Variants in CEP164 observed in about 807,000 individuals in gnomAD.
CEP164 encodes centrosomal protein of 164 kDa.
Under a neutral mutation model 182.7 loss-of-function variants are expected in CEP164, and 162 were observed. The observed-to-expected ratio is 0.89, with a 90% CI of 0.78 to 1.01. The LOEUF (loss-of-function observed/expected upper bound fraction) is 1.01. Among genes scored for constraint, CEP164 ranks in the 50% least tolerant of loss-of-function variants. The pLI, the probability that CEP164 is intolerant of heterozygous loss-of-function variation, is 0.00. For synonymous variants in CEP164, 661 were observed against 690.0 expected, an observed-to-expected ratio of 0.96 and a Z score of 0.66; for missense variants, 1,735 against 1,790.4, an observed-to-expected ratio of 0.97 and a Z score of 0.56.
intron 5 of CEP164, among the ~76,000 whole-genome samples, chr11:117,357,692 G>T (rs1399038294): frequency 6.6e-6 from 1 of 152,200 alleles, no homozygotes; most frequent in African/African-American, 2.4e-5. Context: ...AAAGTCCTGG[G>T]ATTACAGGTG....
upstream of CEP164, among the ~76,000 whole-genome samples, chr11:117,324,164 AG>A (rs2035348526): frequency 6.6e-6 from 1 of 152,146 alleles, no homozygotes; most frequent in South Asian, 2.1e-4. Context: ...TTAGTGTGTC[AG>A]GATGGGCACA....
At chr11:117,392,123 C>T in intron 17 of CEP164, 103 bp from the exon 18 acceptor site, 1 of 975,420 alleles carries the variant, frequency 1.0e-6, no homozygotes. Flanking sequence ...CTTCCCTTGA[C>T]CCTGATCTCG....
intron 4 of CEP164, among the ~76,000 whole-genome samples, chr11:117,350,915 GGATGA>G (rs1592090824): frequency 6.6e-6 from 1 of 152,102 alleles, no homozygotes; most frequent in African/African-American, 2.4e-5. Context: ...TGTTAATGGT[GGATGA>G]GATGAGTGGT....
rs776209930 is a variant in CEP164, at chr11:117,351,903, T to G, written c.308T>G (p.Leu103Arg). 5.6e-6 allele frequency: 9 copies of G among 1,612,864 alleles called. No homozygotes were observed. The highest frequency in any genetic ancestry group is 7.6e-6 in the Non-Finnish European group (9 of 1,179,780). Reference sequence around the variant, plus strand: ...TTGGTGATCCAAGAGCGGGCAAAGCTGTCAACTTCTGGGGCCATTAAGAAG... The same window carrying G: ...TTGGTGATCCAAGAGCGGGCAAAGCGGTCAACTTCTGGGGCCATTAAGAAG... ...RSLVIQERAK[L>R]STSGAIKKKK... The change falls in exon 5 of 33, where the codon CTG becomes CGG. Residue 103 changes from leucine (L) to arginine (R), a missense_variant. Physicochemically the swap from Leu to Arg is moderately radical, Grantham distance 102. Transcript: ENST00000278935.
chr11:117,336,252 G>A, intron 2 of CEP164: 2 of 1,587,918 alleles, frequency 1.3e-6, no homozygotes, highest in Non-Finnish European at 1.7e-6. Context: ...AGGAATGCTT[G>A]CCATGCTTTT....
chr11:117,407,457 C>CAAAAAAAAAAAAAAAAAAAAAGAAAAAA (rs2046823415), intron 27 of CEP164, among the ~76,000 whole-genome samples: 1 of 69,030 alleles, frequency 1.4e-5, no homozygotes, highest in Non-Finnish European at 2.8e-5. Context: ...TCTGTCTCTA[C>CAAAAAAAAAAAAAAAAAAAAAGAAAAAA]AAAAAAAAAA....
In CEP164 at chr11:117,392,547, G is replaced by A. The variant is rs770855847; in HGVS notation, c.2413G>A (p.Ala805Thr). The change falls in exon 19 of 33, where the codon GCC becomes ACC. Residue 805 changes from alanine to threonine, a missense_variant. Ala to Thr is a moderately conservative substitution (Grantham distance 58, BLOSUM62 0). Transcript: ENST00000278935. ...KIQEAQQKEE[A>T]QLQKCLGQVE... ...ACAGGAAGCTCAACAGAAAGAGGAGGCCCAGCTGCAGAAGTGCCTTGGGCA... is the reference window on the plus strand; with the variant it reads ...ACAGGAAGCTCAACAGAAAGAGGAGACCCAGCTGCAGAAGTGCCTTGGGCA... 2 of 1,614,166 alleles carry A rather than the reference G, an allele frequency of 1.2e-6. No homozygotes were observed. The highest frequency in any genetic ancestry group is 1.7e-6 in the Non-Finnish European group (2 of 1,180,030).
intron 7 of CEP164, 69 bp from the exon 8 acceptor site, chr11:117,363,360 C>A: frequency 2.5e-6 from 3 of 1,183,982 alleles, no homozygotes; most frequent in East Asian, 4.7e-5. Flanking sequence ...ACTTTTCCCT[C>A]TGCACACCCC....
At position 117,387,420 on chromosome 11, in the gene CEP164, C is replaced by T. The variant is rs2044093270; in HGVS notation, c.1934+8C>T. On this transcript the variant is annotated splice_region_variant and intron_variant, in intron 15 of 32. Coordinates refer to ENST00000278935, the MANE Select transcript of CEP164 (RefSeq NM_014956.5). ...GAAAGAGCAATCTCTCAGGTCCTGC[C>T]CTTCCCCTTAGGCATGCTTCCTGGG... The T allele has an allele frequency of 1.2e-6, 2 of 1,613,586 alleles. No individual in the cohort carries two copies. Among genetic ancestry groups the T allele is most frequent in the Middle Eastern group, 1.6e-4 (1 of 6,078 alleles).
chr11:117,351,725 CCT>C (rs1246832517), intron 4 of CEP164, 63 bp from the exon 5 acceptor site: 53 of 1,478,246 alleles, frequency 3.6e-5, no homozygotes, highest in Non-Finnish European at 4.6e-5. Context: ...CTTTTTTTCC[CCT>C]CTTTTTTTTT....
In CEP164 at chr11:117,397,084, G is replaced by T. The variant is rs760674947; in HGVS notation, c.3279-7G>T. On this transcript the variant is annotated splice_polypyrimidine_tract_variant and splice_region_variant and intron_variant, in intron 26 of 32. Coordinates refer to ENST00000278935, the MANE Select transcript of CEP164 (RefSeq NM_014956.5). ...TCTGTTTTCCTTCTTCAACTCTCCTGCTCCAGCCTGTCCTCCCACAATGTC... is the reference window on the plus strand; with the variant it reads ...TCTGTTTTCCTTCTTCAACTCTCCTTCTCCAGCCTGTCCTCCCACAATGTC... The T allele has an allele frequency of 1.2e-6, 2 of 1,612,878 alleles. No individual in the cohort carries two copies. The highest frequency in any genetic ancestry group is 1.7e-6 in the Non-Finnish European group (2 of 1,179,408).
In CEP164 at chr11:117,371,443, G is replaced by C. The variant is rs774584906; in HGVS notation, c.1129G>C (p.Glu377Gln). Residue 377 changes from glutamate (E) to glutamine (Q), a missense_variant, in exon 9 of 33, where the codon GAG (glutamate) becomes CAG (glutamine). By Grantham distance (29) the Glu-to-Gln change is conservative. Coordinates refer to ENST00000278935, the MANE Select transcript of CEP164 (RefSeq NM_014956.5). ...AAAGAAGAAGGCTTCTGCTCTGGAAGAGGGCAGTTCAGACGCCAGCCAAGT... is the reference window on the plus strand; with the variant it reads ...AAAGAAGAAGGCTTCTGCTCTGGAACAGGGCAGTTCAGACGCCAGCCAAGT... ...EPKKKASALEEGSSDASQELE... is the reference protein window; with the variant it reads ...EPKKKASALEQGSSDASQELE... 3 of 1,612,926 alleles carry C rather than the reference G, an allele frequency of 1.9e-6. No individual in the cohort carries two copies. In the African/African-American group the frequency reaches 4.0e-5, roughly 22 times the overall value.
Position 117,410,912 on chromosome 11 carries a change from C to G in CEP164, c.4163+18C>G. On this transcript the variant is annotated intron_variant, in intron 31 of 32. Coordinates refer to ENST00000278935, the MANE Select transcript of CEP164 (RefSeq NM_014956.5). ...TCTGCCAGGTGAGCCTCCCTGGGGG[C>G]TGGTTGGGGTGGAACGTCATAGTCG... 6.2e-7 allele frequency: 1 copy of G among 1,609,680 alleles called. No homozygotes were observed.
intron 3 of CEP164, among the ~76,000 whole-genome samples, chr11:117,340,448 A>T (rs1312393868): frequency 6.6e-6 from 1 of 152,256 alleles, no homozygotes; most frequent in Non-Finnish European, 1.5e-5. Flanking sequence ...ACTTGAGAGC[A>T]GGGTTCACAA....
At position 117,408,981 on chromosome 11, in the gene CEP164, C is replaced by A. The variant is rs2047012481; in HGVS notation, c.3701C>A (p.Ser1234Tyr). ...ATGGACAGCCTGAGCAGTGAAAGTT[C>A]TGAATCTTTTTCCCCGCCTCACCGT... is the stretch of plus-strand genomic sequence containing the variant. ...SDMDSLSSES[S>Y]ESFSPPHREW... Residue 1234 changes from serine to tyrosine, a missense_variant, in exon 29 of 33, where the codon TCT becomes TAT. By Grantham distance (144) the Ser-to-Tyr change is moderately radical. Coordinates refer to ENST00000278935, the MANE Select transcript of CEP164 (RefSeq NM_014956.5). The A allele has an allele frequency of 3.1e-6, 5 of 1,613,932 alleles. No homozygotes were observed. Among genetic ancestry groups the A allele is most frequent in the Non-Finnish European group, 4.2e-6 (5 of 1,179,996 alleles).
chr11:117,363,264 C>T (rs766231925), intron 7 of CEP164, among the ~76,000 whole-genome samples, 165 bp from the exon 8 acceptor site: 4 of 152,226 alleles, frequency 2.6e-5, no homozygotes, highest in South Asian at 2.1e-4. Flanking sequence ...GATGGAGAGC[C>T]GTTTAGTGAG....
At chr11:117,330,604 G>A (rs2036056736) in intron 1 of CEP164, among the ~76,000 whole-genome samples, 1 of 152,226 alleles carries the variant, frequency 6.6e-6, no homozygotes, top group South Asian at 2.1e-4. Context: ...AGCAGAGATC[G>A]TGCCATTGCA....
chr11:117,339,760 C>T (rs1343816336), intron 3 of CEP164, among the ~76,000 whole-genome samples: 1 of 151,646 alleles, frequency 6.6e-6, no homozygotes, highest in East Asian at 1.9e-4. Context: ...CTCAAACTGA[C>T]CTCAAGTGAT....
intron 8 of CEP164, among the ~76,000 whole-genome samples, chr11:117,366,479 A>G (rs1309032182): frequency 6.6e-6 from 1 of 152,178 alleles, no homozygotes; most frequent in Non-Finnish European, 1.5e-5. Context: ...AGAGAGGTTC[A>G]TGGAACCGAC....
Sources: allele counts gnomAD v4.1 joint callset (sites outside exome capture counted in the v4.1 genomes callset), GRCh38; gene constraint gnomAD v4.1.1; transcripts MANE v1.5; gene names NCBI Gene and HGNC (gene_info 2026-07-23, HGNC 2026-07-21).